Variants in HIGD2B observed in about 807,000 individuals in gnomAD.
HIGD2B encodes the protein HIG1 hypoxia inducible domain family member 2B.
For missense variants in HIGD2B, 106 were observed against 67.0 expected (o/e 1.58, Z -2.03); for synonymous variants, 45 against 28.1 (o/e 1.60, Z -1.90).
At chr15:72,684,907 C>T (rs2064795362) in intron 1 of HIGD2B, among the ~76,000 whole-genome samples, 1 of 152,088 alleles carries the variant, frequency 6.6e-6, no homozygotes, top group Non-Finnish European at 1.5e-5. Context: ...ACTCAGCCTC[C>T]CGAGTAGCTG....
intron 1 of HIGD2B, among the ~76,000 whole-genome samples, chr15:72,685,168 C>T (rs2064802623): frequency 6.6e-6 from 1 of 152,090 alleles, no homozygotes; most frequent in South Asian, 2.1e-4. Context: ...GATAGATTAC[C>T]GTACTTGTTT....
At chr15:72,680,994 G>A (rs1172631258) in intron 1 of HIGD2B, among the ~76,000 whole-genome samples, 7 of 152,200 alleles carry the variant, frequency 4.6e-5, no homozygotes, top group Admixed American at 4.6e-4. Flanking sequence ...CTAAGGGACT[G>A]TCTGAGGTGG....
Position 72,675,954 on chromosome 15 carries a change from G to A in HIGD2B, c.*100C>T. 1.6e-6 allele frequency: 1 copy of A among 612,968 alleles called. No homozygotes were observed. Among genetic ancestry groups the A allele is most frequent in the Middle Eastern group, 2.7e-4 (1 of 3,664 alleles). The allele number at this position is 612,968 out of a possible 1,614,324, so 38.0% of individuals were successfully genotyped here. ...GGTCACTTCCTCCCCCAACGACACA[G>A]GGACCTCTCAAAGGAGAGGAGAGAG... On this transcript the variant is annotated 3_prime_UTR_variant, in exon 3 of 3. Transcript: ENST00000311755.
chr15:72,684,434 T>C (rs2064784285), intron 1 of HIGD2B, among the ~76,000 whole-genome samples: 1 of 152,224 alleles, frequency 6.6e-6, no homozygotes, highest in Non-Finnish European at 1.5e-5. Flanking sequence ...GGAGGATTAC[T>C]TGAGCCTAGG....
chr15:72,686,169 TTGCC>T lies in HIGD2B; in HGVS notation c.-548_-545del, dbSNP rs2064826794. 6.6e-7 allele frequency: 1 copy of T among 1,526,694 alleles called. No homozygotes were observed. Among genetic ancestry groups the T allele is most frequent in the Non-Finnish European group, 8.9e-7 (1 of 1,129,196 alleles). The allele number at this position is 1,526,694 out of a possible 1,614,324, so 94.6% of individuals were successfully genotyped here. A position where few individuals can be genotyped will look rare whatever the true frequency, so the allele number is the denominator to read the frequency against. On this transcript the variant is annotated 5_prime_UTR_variant, in exon 1 of 3. Coordinates refer to ENST00000311755, the MANE Select transcript of HIGD2B (RefSeq NM_001350932.3). Reference sequence around the variant, plus strand: ...TCCTCCACAGCCCTACGACTTCCGCTTGCCTCGTCGTCTGGGAAACCGCCGACTT... The same window carrying T: ...TCCTCCACAGCCCTACGACTTCCGCTTCGTCGTCTGGGAAACCGCCGACTT...
chr15:72,676,648 C>T (rs1340288046), intron 2 of HIGD2B, among the ~76,000 whole-genome samples: 1 of 152,102 alleles, frequency 6.6e-6, no homozygotes, highest in Non-Finnish European at 1.5e-5. Context: ...AACTCCTGAC[C>T]TCATGATCTG....
chr15:72,685,262 T>C (rs1339626335), intron 1 of HIGD2B, among the ~76,000 whole-genome samples: 1 of 152,172 alleles, frequency 6.6e-6, no homozygotes, highest in Non-Finnish European at 1.5e-5. Context: ...TCCCAGTTAA[T>C]GAATTGGGAG....
chr15:72,679,622 T>C (rs1399629376), intron 2 of HIGD2B, among the ~76,000 whole-genome samples: 1 of 152,042 alleles, frequency 6.6e-6, no homozygotes, highest in Non-Finnish European at 1.5e-5. Context: ...CTCCTCAAGA[T>C]GTAATATTAT....
At chr15:72,682,596 G>A (rs1396143592) in intron 1 of HIGD2B, 1 of 152,932 alleles carries the variant, frequency 6.5e-6, no homozygotes, top group Admixed American at 6.5e-5. Flanking sequence ...CCAGCTACTT[G>A]GGAGGCCAAG....
chr15:72,682,765 C>T (rs773096924), intron 1 of HIGD2B: 9 of 213,700 alleles, frequency 4.2e-5, no homozygotes, highest in Non-Finnish European at 8.1e-5. Flanking sequence ...ACTATGTATT[C>T]TTCTGTATTT....
chr15:72,680,513 A>G (rs1399427080), intron 1 of HIGD2B, among the ~76,000 whole-genome samples: 1 of 152,238 alleles, frequency 6.6e-6, no homozygotes, highest in African/African-American at 2.4e-5. Context: ...CTATGTATTT[A>G]CCAATCAATA....
At chr15:72,678,598 A>C (rs1595891622) in intron 2 of HIGD2B, among the ~76,000 whole-genome samples, 1 of 152,198 alleles carries the variant, frequency 6.6e-6, no homozygotes, top group East Asian at 1.9e-4. Flanking sequence ...CACTACGCCT[A>C]GCCCTAGTTT....
chr15:72,679,767 T>C (rs541250176), intron 2 of HIGD2B, among the ~76,000 whole-genome samples: 5 of 152,126 alleles, frequency 3.3e-5, no homozygotes, highest in African/African-American at 1.2e-4. Context: ...TAAAAAAAAA[T>C]GTCCAACAGG....
At chr15:72,684,131 CACAA>C (rs760173961) in intron 1 of HIGD2B, among the ~76,000 whole-genome samples, 18 of 151,958 alleles carry the variant, frequency 1.2e-4, no homozygotes, top group Non-Finnish European at 1.0e-4. Flanking sequence ...GGACAAAATG[CACAA>C]ACAAAGCAAG....
rs933412836 is a variant in HIGD2B, at chr15:72,685,843, C to T, written c.-218G>A. The T allele has an allele frequency of 2.9e-6, 1 of 344,910 alleles. No homozygotes were observed. The highest frequency in any genetic ancestry group is 4.3e-5 in the Admixed American group (1 of 23,526). The allele number at this position is 344,910 out of a possible 1,614,324, so 21.4% of individuals were successfully genotyped here. A position where few individuals can be genotyped will look rare whatever the true frequency, so the allele number is the denominator to read the frequency against. On this transcript the variant is annotated 5_prime_UTR_variant, in exon 1 of 3. Transcript: ENST00000311755. ...CTAAGGCGAGAAAGAAATTCTCCGC[C>T]GAAATCTCCCGGAAGAAGGACTGAA...
chr15:72,682,157 G>T (rs977897537), intron 1 of HIGD2B: 2 of 152,120 alleles, frequency 1.3e-5, no homozygotes, highest in African/African-American at 4.8e-5. Context: ...TTCAGAAATA[G>T]AACTGATCAA....
intron 1 of HIGD2B, among the ~76,000 whole-genome samples, chr15:72,680,674 C>G (rs1420158755): frequency 1.3e-5 from 2 of 152,140 alleles, no homozygotes; most frequent in Non-Finnish European, 1.5e-5. Context: ...ACCACCTGAG[C>G]TCAGGAGTTC....
chr15:72,679,336 G>T (rs1295525027), intron 2 of HIGD2B, among the ~76,000 whole-genome samples: 2 of 138,180 alleles, frequency 1.4e-5, no homozygotes, highest in Admixed American at 1.6e-4. Context: ...TTGCACTCCA[G>T]CCTGGGCAAC....
At chr15:72,679,088 C>T (rs2064722279) in intron 2 of HIGD2B, among the ~76,000 whole-genome samples, 1 of 150,584 alleles carries the variant, frequency 6.6e-6, no homozygotes, top group African/African-American at 2.4e-5. Flanking sequence ...AGAAAGAGGG[C>T]AGCCAGGCGT....
Sources: gnomAD v4.1 joint callset for allele counts (sites outside exome capture counted in the v4.1 genomes callset) on GRCh38, gnomAD v4.1.1 for gene constraint, MANE v1.5 for transcripts, NCBI Gene and HGNC (gene_info 2026-07-23, HGNC 2026-07-21) for gene names.